The following GRM7 variants were observed in gnomAD, a reference collection of about 807,000 sequenced individuals.
GRM7 encodes glutamate metabotropic receptor 7.
A neutral mutation model predicts 84.5 loss-of-function variants in GRM7; 35 were observed. The observed-to-expected ratio is 0.41, with a 90% CI of 0.32 to 0.55. GRM7 has a LOEUF of 0.55. Among genes scored for constraint, GRM7 ranks in the 20% least tolerant of loss-of-function variants. GRM7 has a pLI of 0.19. For missense variants in GRM7, 1,003 were observed against 1,194.6 expected (o/e 0.84, Z 2.36); for synonymous variants, 487 against 455.1 (o/e 1.07, Z -0.89).
chr3:7,481,892 G>T (rs1193484942), intron 7 of GRM7, among the ~76,000 whole-genome samples: 3 of 152,162 alleles, frequency 2.0e-5, no homozygotes, highest in Non-Finnish European at 2.9e-5. Context: ...TTGCTAATTA[G>T]AAATGAGTAT....
intron 7 of GRM7, among the ~76,000 whole-genome samples, chr3:7,488,749 G>A (rs1238436189): frequency 6.6e-6 from 1 of 152,064 alleles, no homozygotes; most frequent in Non-Finnish European, 1.5e-5. Flanking sequence ...ACAACATTAA[G>A]CTGACTAACT....
At chr3:7,468,487 T>G (rs1442229039) in intron 7 of GRM7, among the ~76,000 whole-genome samples, 1 of 152,180 alleles carries the variant, frequency 6.6e-6, no homozygotes, top group Non-Finnish European at 1.5e-5. Flanking sequence ...TAATAAATAA[T>G]ATATATAACA....
intron 7 of GRM7, among the ~76,000 whole-genome samples, chr3:7,533,086 A>G (rs1182103191): frequency 2.0e-5 from 3 of 152,098 alleles, no homozygotes; most frequent in Non-Finnish European, 2.9e-5. Context: ...AGACAGATCA[A>G]CAAGACAGAA....
chr3:7,695,667 G>A (rs1021414905), intron 9 of GRM7, among the ~76,000 whole-genome samples: 2 of 152,152 alleles, frequency 1.3e-5, no homozygotes, highest in Non-Finnish European at 2.9e-5. Context: ...TCTCCAGATT[G>A]TGATGTGGCC....
chr3:7,359,679 T>C (rs1489058134), intron 4 of GRM7, among the ~76,000 whole-genome samples: 2 of 148,336 alleles, frequency 1.3e-5, no homozygotes, highest in Non-Finnish European at 3.0e-5. Flanking sequence ...AGGAACAGAC[T>C]TTTCTGTTCT....
rs372075812 is a variant in GRM7 at position 7,359,333 on chromosome 3, C to CTTTTT, written c.1033+52697_1033+52701dup. On this transcript the variant is annotated intron_variant, in intron 4 of 9. Transcript: ENST00000357716. ...CTGAATCCTATTCACCCCTCCTCCTCTTTTTTTTTTTTTTTTTTTTGAGAC... is the reference window on the plus strand; with the variant it reads ...CTGAATCCTATTCACCCCTCCTCCTCTTTTTTTTTTTTTTTTTTTTTTTTTGAGAC... Among the ~76,000 whole-genome samples, 361 of 98,518 alleles carry CTTTTT rather than the reference C, an allele frequency of 3.7e-3. 15 individuals carry two copies. The highest frequency in any genetic ancestry group is 0.015 in the African/African-American group (344 of 22,388). 64.6% of individuals were successfully genotyped at this position (98,518 alleles called of 152,430 possible).
rs554747179 is a variant in GRM7 at position 7,618,588 on chromosome 3, A to G, written c.2451+39231A>G. Among the ~76,000 whole-genome samples the G allele has an allele frequency of 1.4e-4, 22 of 152,240 alleles. No homozygotes were observed. The South Asian group carries it at 2.3e-3, about 16-fold the overall frequency. On this transcript the variant is annotated intron_variant, in intron 8 of 9. Transcript: ENST00000357716. ...ATTTGTGACTTTAAGGAACCCAATCATCACAAATTGAGTGAGAGTGGACTC... is the reference window on the plus strand; with the variant it reads ...ATTTGTGACTTTAAGGAACCCAATCGTCACAAATTGAGTGAGAGTGGACTC...
intron 7 of GRM7, among the ~76,000 whole-genome samples, chr3:7,516,085 A>G (rs1175612699): frequency 2.1e-5 from 3 of 144,110 alleles, no homozygotes; most frequent in East Asian, 2.1e-4. Flanking sequence ...GAGGATCTTG[A>G]GGCTGGAAGG....
chr3:7,340,873 G>C (rs982565739), intron 4 of GRM7, among the ~76,000 whole-genome samples: 3 of 152,140 alleles, frequency 2.0e-5, no homozygotes, highest in Middle Eastern at 3.2e-3. Flanking sequence ...AACAGTGCAA[G>C]GGTAGGAATT....
chr3:6,974,890 G>A (rs1693928844), intron 1 of GRM7, among the ~76,000 whole-genome samples: 1 of 152,150 alleles, frequency 6.6e-6, no homozygotes, highest in South Asian at 2.1e-4. Context: ...TCATGGTGGA[G>A]GAGATATAGA....
intron 1 of GRM7, among the ~76,000 whole-genome samples, chr3:7,080,028 T>C (rs1002631918): frequency 6.6e-6 from 1 of 152,110 alleles, no homozygotes; most frequent in Non-Finnish European, 1.5e-5. Flanking sequence ...TTCTTTCTGC[T>C]CAGTACAGCC....
intron 7 of GRM7, among the ~76,000 whole-genome samples, chr3:7,558,266 T>G (rs1054863573): frequency 6.6e-6 from 1 of 152,110 alleles, no homozygotes; most frequent in African/African-American, 2.4e-5. Context: ...TAATGAGGAT[T>G]AGAGATAGTA....
intron 2 of GRM7, among the ~76,000 whole-genome samples, chr3:7,202,726 A>G (rs1303378088): frequency 1.3e-5 from 2 of 152,222 alleles, no homozygotes; most frequent in African/African-American, 4.8e-5. Context: ...AGATATAATC[A>G]TTAACTCAAA....
At chr3:7,439,578 GT>G (rs1436675851) in intron 5 of GRM7, among the ~76,000 whole-genome samples, 1 of 152,136 alleles carries the variant, frequency 6.6e-6, no homozygotes, top group Non-Finnish European at 1.5e-5. Flanking sequence ...ACCCTTCACA[GT>G]TTGTGACAAA....
intron 2 of GRM7, among the ~76,000 whole-genome samples, chr3:7,166,418 T>G (rs1282867455): frequency 6.6e-6 from 1 of 152,216 alleles, no homozygotes; most frequent in Non-Finnish European, 1.5e-5. Flanking sequence ...TCTGTCCCAA[T>G]AAGCTGATGA....
chr3:7,355,570 A>T (rs1693361406), intron 4 of GRM7, among the ~76,000 whole-genome samples: 1 of 152,058 alleles, frequency 6.6e-6, no homozygotes, highest in Non-Finnish European at 1.5e-5. Flanking sequence ...TCCTTTAGAG[A>T]GACAGCTTTT....
At chr3:6,963,865 C>G (rs907675151) in intron 1 of GRM7, among the ~76,000 whole-genome samples, 1 of 152,148 alleles carries the variant, frequency 6.6e-6, no homozygotes, top group Non-Finnish European at 1.5e-5. Flanking sequence ...TTCGTCTCCA[C>G]TCTGCACATC....
chr3:7,060,934 T>C (rs771385146), intron 1 of GRM7, among the ~76,000 whole-genome samples: 29 of 151,804 alleles, frequency 1.9e-4, no homozygotes, highest in Non-Finnish European at 3.2e-4. Flanking sequence ...TTCACAGTCA[T>C]ACTGGGTGAC....
chr3:7,517,656 G>C (rs916452197), intron 7 of GRM7, among the ~76,000 whole-genome samples: 36 of 152,228 alleles, frequency 2.4e-4, no homozygotes, highest in African/African-American at 8.4e-4. Flanking sequence ...GCCTTCCAAA[G>C]TGCTGGGATT....
Sources: allele counts gnomAD v4.1 joint callset (sites outside exome capture counted in the v4.1 genomes callset), GRCh38; gene constraint gnomAD v4.1.1; transcripts MANE v1.5; gene names NCBI Gene and HGNC (gene_info 2026-07-23, HGNC 2026-07-21).